The following CDK6 variants were observed in gnomAD, a reference collection of about 807,000 sequenced individuals.
The protein encoded by CDK6 is cyclin-dependent kinase 6.
CDK6 carries 6 observed loss-of-function variants against 37.1 expected under a neutral mutation model. The observed-to-expected ratio is 0.16, with a 90% CI of 0.09 to 0.32. The LOEUF is 0.32. Among genes scored for constraint, CDK6 ranks in the 10% least tolerant of loss-of-function variants. The pLI is 1.00. For missense variants in CDK6, 224 were observed against 418.9 expected (o/e 0.53, Z 4.06); for synonymous variants, 160 against 161.3 (o/e 0.99, Z 0.06).
In CDK6 at chr7:92,833,881, C is replaced by A; in HGVS notation, c.-367-191G>T. Reference sequence around the variant, plus strand: ...GAGAAAAGCGAAGTTACTTTTCTTTCCCTGCAGGGCTGAAGCCGTCTTCGC... The same window carrying A: ...GAGAAAAGCGAAGTTACTTTTCTTTACCTGCAGGGCTGAAGCCGTCTTCGC... On this transcript the variant is annotated intron_variant, in intron 1 of 7. Transcript: ENST00000424848. The surrounding 1 kb of genome is among the most constrained non-coding windows in gnomAD (Gnocchi z 6.1). 1 of 398,820 alleles carries A rather than the reference C, an allele frequency of 2.5e-6. No individual in the cohort carries two copies. The highest frequency in any genetic ancestry group is 4.4e-6 in the Non-Finnish European group (1 of 226,300). 24.7% of individuals were successfully genotyped at this position (398,820 alleles called of 1,614,324 possible).
chr7:92,713,363 C>T (rs1169993871), intron 4 of CDK6, among the ~76,000 whole-genome samples: 1 of 152,000 alleles, frequency 6.6e-6, no homozygotes, highest in Non-Finnish European at 1.5e-5. Context: ...AAAAACTTTG[C>T]CAAAGCCCAT....
At chr7:92,803,989 TAA>T (rs1044047634) in intron 2 of CDK6, among the ~76,000 whole-genome samples, 8 of 152,200 alleles carry the variant, frequency 5.3e-5, no homozygotes, top group Non-Finnish European at 1.0e-4. Context: ...TAATTAATCT[TAA>T]GAGTCACTTC....
Position 92,604,984 on chromosome 7 carries a change from G to A in CDK6, c.*10156C>T, listed in dbSNP as rs1279689583. The A allele has an allele frequency of 1.1e-5, 2 of 184,064 alleles. No individual in the cohort carries two copies. Among genetic ancestry groups the A allele is most frequent in the East Asian group, 1.9e-4 (2 of 10,704 alleles). The allele number at this position is 184,064 out of a possible 1,614,324, so 11.4% of individuals were successfully genotyped here. A position where few individuals can be genotyped will look rare whatever the true frequency, so the allele number is the denominator to read the frequency against. On this transcript the variant is annotated 3_prime_UTR_variant, in exon 8 of 8. Transcript: ENST00000424848. ...ACAGTTATACTCATTTTACATTAAAGTAAAAAAGAAAATAGCCAGGAGAGT... is the reference window on the plus strand; with the variant it reads ...ACAGTTATACTCATTTTACATTAAAATAAAAAAGAAAATAGCCAGGAGAGT...
intron 4 of CDK6, among the ~76,000 whole-genome samples, chr7:92,723,401 A>T (rs959642787): frequency 2.0e-5 from 3 of 152,196 alleles, no homozygotes; most frequent in African/African-American, 7.2e-5. Flanking sequence ...TTCCTGTATG[A>T]CATAACCCAC....
intron 2 of CDK6, among the ~76,000 whole-genome samples, chr7:92,826,804 C>G (rs145870575): frequency 1.9e-4 from 29 of 152,198 alleles, no homozygotes; most frequent in African/African-American, 6.5e-4. Context: ...CAGTATACAA[C>G]TCTAAAACGA....
chr7:92,623,146 T>A, intron 5 of CDK6, 60 bp from the exon 6 acceptor site: 10 of 1,145,182 alleles, frequency 8.7e-6, no homozygotes, highest in Non-Finnish European at 1.2e-5. Context: ...TTCAATCATA[T>A]TTGCCATTAT....
At chr7:92,793,187 A>T (rs1375369943) in intron 2 of CDK6, among the ~76,000 whole-genome samples, 1 of 152,156 alleles carries the variant, frequency 6.6e-6, no homozygotes, top group Non-Finnish European at 1.5e-5. Flanking sequence ...AAATTGATCT[A>T]GAGCTTCAAT....
intron 5 of CDK6, among the ~76,000 whole-genome samples, chr7:92,635,664 C>T (rs1796153408): frequency 6.6e-6 from 1 of 152,168 alleles, no homozygotes; most frequent in Non-Finnish European, 1.5e-5. Context: ...TCCTTTTTCT[C>T]TGTCCTGTGG....
At chr7:92,624,511 C>T (rs1415617215) in intron 5 of CDK6, among the ~76,000 whole-genome samples, 4 of 152,096 alleles carry the variant, frequency 2.6e-5, no homozygotes, top group Admixed American at 2.6e-4. Flanking sequence ...CTTGGACTTC[C>T]AGCCTCCAGA....
intron 2 of CDK6, among the ~76,000 whole-genome samples, chr7:92,799,283 C>T (rs1800505056): frequency 6.6e-6 from 1 of 152,142 alleles, no homozygotes; most frequent in African/African-American, 2.4e-5. Flanking sequence ...AGCAGTAATT[C>T]CCCACTACTG....
chr7:92,731,040 T>C lies in CDK6; in HGVS notation c.370-5247A>G, dbSNP rs1440799859. The stretch of plus-strand genomic sequence containing the variant: ...GGTCCTAAAGCGTTAGCCAAGTGGC[T>C]TGATTCACTCCTTGGAGATTCCACC... On this transcript the variant is annotated intron_variant, in intron 3 of 7. Transcript: ENST00000424848. 2.6e-5 allele frequency among the ~76,000 whole-genome samples: 4 copies of C among 152,314 alleles called. No homozygotes were observed. In the East Asian group the frequency reaches 7.7e-4, roughly 29 times the overall value.
At chr7:92,730,744 T>C (rs1798625388) in intron 3 of CDK6, among the ~76,000 whole-genome samples, 1 of 152,220 alleles carries the variant, frequency 6.6e-6, no homozygotes, top group South Asian at 2.1e-4. Flanking sequence ...TAATATTCCA[T>C]TGTATGTATA....
At chr7:92,754,558 T>C (rs1799266326) in intron 3 of CDK6, among the ~76,000 whole-genome samples, 1 of 152,224 alleles carries the variant, frequency 6.6e-6, no homozygotes, top group Non-Finnish European at 1.5e-5. Context: ...CCCATCCCTC[T>C]GTGCTGGTAA....
At chr7:92,725,320 C>T in intron 4 of CDK6, 2 of 985,428 alleles carry the variant, frequency 2.0e-6, no homozygotes, top group Non-Finnish European at 2.4e-6. Flanking sequence ...ATTGTACATA[C>T]AGCTCTGAAA....
intron 2 of CDK6, among the ~76,000 whole-genome samples, chr7:92,829,504 G>A (rs1801422526): frequency 6.6e-6 from 1 of 152,150 alleles, no homozygotes; most frequent in African/African-American, 2.4e-5. Flanking sequence ...TCAAACATGG[G>A]AAGAACTGCT....
intron 3 of CDK6, among the ~76,000 whole-genome samples, chr7:92,767,065 C>T (rs985144128): frequency 2.0e-5 from 3 of 152,160 alleles, no homozygotes; most frequent in Non-Finnish European, 4.4e-5. Context: ...CTGTCTCCAA[C>T]CTAAGTCCCA....
chr7:92,672,160 TACACATACACACACACACACACAGACAC>T (rs1797089474), intron 4 of CDK6, among the ~76,000 whole-genome samples: 3 of 79,078 alleles, frequency 3.8e-5, no homozygotes, highest in Non-Finnish European at 7.1e-5. Flanking sequence ...TATATATATA[TACACATACACACACACACACACAGACAC>T]ATACACACAC....
intron 4 of CDK6, among the ~76,000 whole-genome samples, chr7:92,705,889 T>C (rs1358964149): frequency 6.6e-6 from 1 of 152,232 alleles, no homozygotes; most frequent in African/African-American, 2.4e-5. Context: ...TTAGTCTAGG[T>C]ACCAACTCCT....
chr7:92,721,263 A>G (rs1327767232), intron 4 of CDK6, among the ~76,000 whole-genome samples: 1 of 152,140 alleles, frequency 6.6e-6, no homozygotes, highest in African/African-American at 2.4e-5. Flanking sequence ...CAAAATCCCT[A>G]TTAGGAGGAA....
Sources: allele counts gnomAD v4.1 joint callset (sites outside exome capture counted in the v4.1 genomes callset), GRCh38; gene constraint gnomAD v4.1.1; non-coding constraint Gnocchi (gnomAD v3.1); transcripts MANE v1.5; gene names NCBI Gene and HGNC (gene_info 2026-07-23, HGNC 2026-07-21).